Variants in ASAP1 observed in about 807,000 individuals in gnomAD.
ASAP1 encodes the protein arf-GAP with SH3 domain, ANK repeat and PH domain-containing protein 1.
Under a neutral mutation model 145.2 loss-of-function variants are expected in ASAP1, and 43 were observed. The observed-to-expected ratio is 0.30, with a 90% CI of 0.23 to 0.38. The LOEUF is 0.38. ASAP1 is among the 10% of genes least tolerant of loss of function. The pLI, the probability that ASAP1 is intolerant of heterozygous loss-of-function variation, is 1.00. For synonymous variants in ASAP1, 546 were observed against 515.5 expected (o/e 1.06, Z -0.80); for missense variants, 1,018 against 1,355.3 (o/e 0.75, Z 3.91).
intron 13 of ASAP1, 61 bp from the exon 14 acceptor site, chr8:130,137,099 A>G: frequency 7.4e-7 from 1 of 1,359,204 alleles, no homozygotes; most frequent in Non-Finnish European, 1.1e-6. Flanking sequence ...CTGCAGGTTC[A>G]GTGCCCTGTA....
intron 24 of ASAP1, among the ~76,000 whole-genome samples, chr8:130,101,766 T>C (rs7836266): frequency 0.12 from 15,628 of 127,640 alleles, 1,056 homozygotes; most frequent in Non-Finnish European, 0.16. Context: ...GAGATAGGGT[T>C]TCACCATGTT....
chr8:130,198,016 G>A (rs538279338), intron 5 of ASAP1, among the ~76,000 whole-genome samples: 2 of 152,256 alleles, frequency 1.3e-5, no homozygotes, highest in Non-Finnish European at 2.9e-5. Flanking sequence ...TCATTTGCTG[G>A]CTCTGGGTCT....
At chr8:130,211,978 G>C (rs937004819) in intron 5 of ASAP1, among the ~76,000 whole-genome samples, 1 of 152,152 alleles carries the variant, frequency 6.6e-6, no homozygotes, top group Non-Finnish European at 1.5e-5. Flanking sequence ...TGCTCAGCTG[G>C]GGGCTGCAGG....
chr8:130,219,303 T>TTCA (rs1817144303), intron 4 of ASAP1, among the ~76,000 whole-genome samples: 1 of 150,122 alleles, frequency 6.7e-6, no homozygotes, highest in Admixed American at 6.6e-5. Flanking sequence ...ATTAAGGGTT[T>TTCA]ACCCAGCAGA....
chr8:130,134,611 G>C (rs1177170539), intron 14 of ASAP1, among the ~76,000 whole-genome samples: 1 of 152,118 alleles, frequency 6.6e-6, no homozygotes, highest in African/African-American at 2.4e-5. Flanking sequence ...CAATAAAACA[G>C]CTACATGATT....
At chr8:130,057,877 C>T in intron 29 of ASAP1, 77 bp downstream of exon 29, 4 of 1,581,754 alleles carry the variant, frequency 2.5e-6, no homozygotes, top group Non-Finnish European at 2.6e-6. Context: ...ACTGCACTGT[C>T]TGTAGGCTCC....
At chr8:130,417,649 A>T (rs1481753164) in intron 1 of ASAP1, among the ~76,000 whole-genome samples, 1 of 151,456 alleles carries the variant, frequency 6.6e-6, no homozygotes, top group Non-Finnish European at 1.5e-5. Flanking sequence ...AGGCAAATGC[A>T]TGGGCTGACA....
intron 3 of ASAP1, among the ~76,000 whole-genome samples, chr8:130,251,058 GTTTTGT>G (rs1819166724): frequency 6.6e-6 from 1 of 152,092 alleles, no homozygotes; most frequent in Non-Finnish European, 1.5e-5. Flanking sequence ...AGAATACCTA[GTTTTGT>G]TTTTATTTTT....
rs1246760043 is a variant in ASAP1 at position 130,238,315 on chromosome 8, GA to G, written c.187-1322del. On this transcript the variant is annotated intron_variant, in intron 3 of 29. Transcript: ENST00000518721. ...TGCCAGTGGTTCTGTTTCTTGATGT[GA>G]GGAAAAATCTGGCCAGACAAAATGA... 8.5e-5 allele frequency among the ~76,000 whole-genome samples: 13 copies of G among 152,230 alleles called. No individual in the cohort carries two copies. In the East Asian group the frequency reaches 2.5e-3, roughly 29 times the overall value.
intron 3 of ASAP1, among the ~76,000 whole-genome samples, chr8:130,300,401 T>G (rs1429732449): frequency 6.6e-6 from 1 of 152,234 alleles, no homozygotes; most frequent in Admixed American, 6.5e-5. Context: ...GTTTTTTAAT[T>G]TTTTCAAGGT....
At chr8:130,170,850 C>G (rs1445790355) in intron 9 of ASAP1, among the ~76,000 whole-genome samples, 1 of 152,054 alleles carries the variant, frequency 6.6e-6, no homozygotes, top group Non-Finnish European at 1.5e-5. Context: ...TTCTGAGTAG[C>G]CGGGACTACA....
chr8:130,115,159 C>T (rs2097553110), intron 23 of ASAP1, among the ~76,000 whole-genome samples: 1 of 152,154 alleles, frequency 6.6e-6, no homozygotes, highest in South Asian at 2.1e-4. Flanking sequence ...ATGCAATTAC[C>T]ATTTAAATGA....
chr8:130,187,207 AC>A, intron 7 of ASAP1, 28 bp downstream of exon 7: 2 of 1,580,692 alleles, frequency 1.3e-6, no homozygotes, highest in Non-Finnish European at 1.7e-6. Flanking sequence ...TAAAAAACAA[AC>A]AAAAACTCTA....
intron 18 of ASAP1, among the ~76,000 whole-genome samples, chr8:130,121,325 A>G (rs1006506981): frequency 1.3e-5 from 2 of 152,164 alleles, no homozygotes; most frequent in African/African-American, 2.4e-5. Context: ...GGCTGGGTAC[A>G]TTCTTTTCTC....
At chr8:130,085,735 T>TCAA (rs1554819573) in intron 25 of ASAP1, among the ~76,000 whole-genome samples, 3 of 125,312 alleles carry the variant, frequency 2.4e-5, no homozygotes, top group Non-Finnish European at 3.3e-5. Context: ...ACGTTGTCTT[T>TCAA]AAGAAAAAAA....
At chr8:130,179,155 C>T (rs1362125081) in intron 9 of ASAP1, 109 bp downstream of exon 9, 6 of 631,774 alleles carry the variant, frequency 9.5e-6, no homozygotes, top group African/African-American at 7.5e-5. Flanking sequence ...CATTATATCA[C>T]TTTATTTAGT....
chr8:130,428,665 C>T (rs1031797390), intron 1 of ASAP1, among the ~76,000 whole-genome samples: 1 of 147,018 alleles, frequency 6.8e-6, no homozygotes, highest in Admixed American at 6.8e-5. Flanking sequence ...CACCATCCCC[C>T]CACCATCATC....
At chr8:130,189,084 G>A (rs1166703640) in intron 5 of ASAP1, among the ~76,000 whole-genome samples, 2 of 152,004 alleles carry the variant, frequency 1.3e-5, no homozygotes, top group African/African-American at 4.8e-5. Context: ...TGTGAAATTT[G>A]ATACAAGCGT....
intron 24 of ASAP1, 34 bp downstream of exon 24, chr8:130,112,060 G>A (rs1171416439): frequency 1.3e-6 from 2 of 1,578,906 alleles, no homozygotes; most frequent in Admixed American, 1.7e-5. Flanking sequence ...AGCCCTTCGA[G>A]GATGGAGTCA....
Sources: allele counts gnomAD v4.1 joint callset (sites outside exome capture counted in the v4.1 genomes callset), GRCh38; gene constraint gnomAD v4.1.1; transcripts MANE v1.5; gene names NCBI Gene and HGNC (gene_info 2026-07-23, HGNC 2026-07-21).